PER3: variants seen among roughly 807,000 people sequenced by gnomAD.
PER3 encodes the protein period circadian protein homolog 3.
PER3 carries 107 observed loss-of-function variants against 127.2 expected under a neutral mutation model. The observed-to-expected ratio is 0.84, with a 90% CI of 0.72 to 0.99. PER3 has a LOEUF of 0.99. PER3 is among the 50% of genes least tolerant of loss of function. The probability of loss-of-function intolerance (pLI) is 0.00; values close to 1 mark genes in which losing one functional copy is unlikely to be tolerated. For missense variants in PER3, 1,560 were observed against 1,525.8 expected (o/e 1.02, Z -0.37); for synonymous variants, 618 against 585.8 (o/e 1.05, Z -0.79).
rs751203705 is a variant in PER3, at chr1:7,803,692, T to A, written c.980T>A (p.Val327Asp). ...ATTTTTGTCTTATTATTTTATATAG[T>A]TTTGAAGTATGCAGGGCATCCTCCC... is the stretch of plus-strand genomic sequence containing the variant. ...RSLMVAIHQK[V>D]LKYAGHPPFE... is the part of the protein sequence containing the mutation. The change falls in exon 10 of 22, where the codon GTT becomes GAT. Residue 327 changes from valine to aspartate, a missense_variant and splice_region_variant. By Grantham distance (152) the Val-to-Asp change is radical (BLOSUM62 -3). Around this residue, in one of 3 missense-constraint regions of PER3, gnomAD observed 1,332 missense variants for 1,223.6 expected, o/e 1.09. Coordinates refer to ENST00000377532, the MANE Select transcript of PER3 (RefSeq NM_001377275.1). 1 of 1,581,162 alleles carries A rather than the reference T, an allele frequency of 6.3e-7. No individual in the cohort carries two copies. Among genetic ancestry groups the A allele is most frequent in the Admixed American group, 1.7e-5 (1 of 59,346 alleles).
intron 8 of PER3, 128 bp downstream of exon 8, chr1:7,801,319 T>G (rs138688184): frequency 6.8e-6 from 4 of 587,764 alleles, no homozygotes; most frequent in Non-Finnish European, 1.2e-5. Flanking sequence ...TATTTGATTT[T>G]TGTTACATGG....
intron 6 of PER3, 33 bp downstream of exon 6, chr1:7,794,041 G>A (rs769606889): frequency 1.3e-6 from 2 of 1,559,686 alleles, no homozygotes; most frequent in South Asian, 2.2e-5. Context: ...GCCAGCAACA[G>A]TGGATTATGT....
At chr1:7,816,395 C>T (rs1410156432) in intron 13 of PER3, among the ~76,000 whole-genome samples, 2 of 152,090 alleles carry the variant, frequency 1.3e-5, no homozygotes, top group South Asian at 2.1e-4. Context: ...CCACCCTGAA[C>T]GTACCCAATC....
intron 16 of PER3, among the ~76,000 whole-genome samples, chr1:7,822,942 C>T (rs2151070057): frequency 6.6e-6 from 1 of 152,136 alleles, no homozygotes; most frequent in African/African-American, 2.4e-5. Flanking sequence ...ACCTGTAGTC[C>T]CAGCTACTTG....
Position 7,826,766 on chromosome 1 carries a change from A to G in PER3, c.2188+56A>G. On this transcript the variant is annotated intron_variant, in intron 17 of 21. Coordinates refer to ENST00000377532, the MANE Select transcript of PER3 (RefSeq NM_001377275.1). The surrounding 1 kb of genome is among the most constrained non-coding windows in gnomAD (Gnocchi z 4.2). Reference sequence around the variant, plus strand: ...AATCTATGTAAATGTTACAAACTGTATCTAAGGACTAGGAGATAAGGAGTG... The same window carrying G: ...AATCTATGTAAATGTTACAAACTGTGTCTAAGGACTAGGAGATAAGGAGTG... 1 of 1,032,162 alleles carries G rather than the reference A, an allele frequency of 9.7e-7. No individual in the cohort carries two copies. Among genetic ancestry groups the G allele is most frequent in the Middle Eastern group, 2.0e-4 (1 of 4,920 alleles). The allele number at this position is 1,032,162 out of a possible 1,614,324, so 63.9% of individuals were successfully genotyped here. A position where few individuals can be genotyped will look rare whatever the true frequency, so the allele number is the denominator to read the frequency against.
At chr1:7,789,140 A>AATATATATATATATATATATATAT (rs59535110) in intron 5 of PER3, among the ~76,000 whole-genome samples, 5 of 133,160 alleles carry the variant, frequency 3.8e-5, no homozygotes, top group African/African-American at 5.3e-5. Flanking sequence ...AGAGCTTTAA[A>AATATATATATATATATATATATAT]ATATATATAT....
In PER3 at chr1:7,827,597, T is replaced by C; in HGVS notation, c.2668T>C (p.Ser890Pro). The change falls in exon 18 of 22, where the codon TCA becomes CCA. Residue 890 changes from serine (S) to proline (P), a missense_variant. Physicochemically the swap from Ser to Pro is moderately conservative, Grantham distance 74. Coordinates refer to ENST00000377532, the MANE Select transcript of PER3 (RefSeq NM_001377275.1). ...GATASSAISP[S>P]MSSAMSPTLD... Reference sequence around the variant, plus strand: ...GACAGCCTCTTCTGCGATATCACCCTCAATGTCGTCAGCAATGAGTCCAAC... The same window carrying C: ...GACAGCCTCTTCTGCGATATCACCCCCAATGTCGTCAGCAATGAGTCCAAC... The C allele has an allele frequency of 6.2e-7, 1 of 1,614,144 alleles. No homozygotes were observed. Among genetic ancestry groups the C allele is most frequent in the Non-Finnish European group, 8.5e-7 (1 of 1,180,028 alleles).
chr1:7,841,154 A>G (rs576014357), intron 21 of PER3, among the ~76,000 whole-genome samples: 1 of 152,322 alleles, frequency 6.6e-6, no homozygotes, highest in East Asian at 1.9e-4. Context: ...AAAAAACTCA[A>G]AATGTTTTAA....
intron 21 of PER3, among the ~76,000 whole-genome samples, chr1:7,839,166 C>T (rs188612565): frequency 6.6e-6 from 1 of 152,184 alleles, no homozygotes; most frequent in Non-Finnish European, 1.5e-5. Flanking sequence ...TAACATATCA[C>T]TCCAGTGTGT....
At chr1:7,789,320 C>A (rs1272605973) in intron 5 of PER3, among the ~76,000 whole-genome samples, 2 of 152,056 alleles carry the variant, frequency 1.3e-5, no homozygotes, top group Non-Finnish European at 2.9e-5. Flanking sequence ...GTGGGAGGAA[C>A]CCAGTGGGAG....
intron 4 of PER3, chr1:7,787,355 C>A (rs565254198): frequency 3.7e-6 from 1 of 271,822 alleles, no homozygotes. Context: ...TTGGTTGATA[C>A]GGTGGAGATT....
chr1:7,838,684 G>C (rs771329252), intron 21 of PER3, among the ~76,000 whole-genome samples: 19 of 152,300 alleles, frequency 1.2e-4, no homozygotes, highest in Non-Finnish European at 2.1e-4. Context: ...ACAGGCAAGA[G>C]CCATATGAAT....
At chr1:7,798,791 A>C in intron 7 of PER3, 118 bp downstream of exon 7, 2 of 742,470 alleles carry the variant, frequency 2.7e-6, no homozygotes, top group African/African-American at 1.8e-5. Context: ...TGACCCTTAA[A>C]CTCTTCAGGC....
At chr1:7,817,152 G>A (rs1046427579) in intron 13 of PER3, among the ~76,000 whole-genome samples, 4 of 152,184 alleles carry the variant, frequency 2.6e-5, no homozygotes, top group African/African-American at 7.2e-5. Flanking sequence ...CTATGATTGG[G>A]TAGAGAAGGA....
intron 16 of PER3, among the ~76,000 whole-genome samples, chr1:7,822,778 G>A (rs1164478667): frequency 6.6e-6 from 1 of 152,126 alleles, no homozygotes; most frequent in Non-Finnish European, 1.5e-5. Context: ...CAAAAATTGG[G>A]CCAAGCATAG....
chr1:7,786,833 C>T lies in PER3; in HGVS notation c.387C>T (p.Asn129=), dbSNP rs1245902292. ...ATIASEHTSK[N]TDTFVAVFSF... is the part of the protein sequence containing the mutation. ...TCGCTTCAGAACACACTTCCAAAAA[C>T]ACAGTAAGAATTCATGCATTTTGCC... Residue 129 remains asparagine, a synonymous_variant, in exon 4 of 22, where the codon AAC becomes AAT. Coordinates refer to ENST00000377532, the MANE Select transcript of PER3 (RefSeq NM_001377275.1). 2.6e-6 allele frequency: 4 copies of T among 1,566,750 alleles called. No homozygotes were observed. In the South Asian group the frequency reaches 4.4e-5, roughly 17 times the overall value.
chr1:7,806,812 A>AAATATATATATATATAT (rs61141023), intron 10 of PER3, among the ~76,000 whole-genome samples: 1 of 60,632 alleles, frequency 1.6e-5, no homozygotes, highest in African/African-American at 6.8e-5. Flanking sequence ...AAAAAAAAAA[A>AAATATATATATATATAT]ATATATATAT....
At position 7,827,103 on chromosome 1, in the gene PER3, C is replaced by T. The variant is rs761893665; in HGVS notation, c.2189-15C>T. Reference sequence around the variant, plus strand: ...TTTAATTTTCCATAATTTGCCTCTACCTTTATCCTTCCAGGAGATTCTACT... The same window carrying T: ...TTTAATTTTCCATAATTTGCCTCTATCTTTATCCTTCCAGGAGATTCTACT... On this transcript the variant is annotated splice_polypyrimidine_tract_variant and intron_variant, in intron 17 of 21. Coordinates refer to ENST00000377532, the MANE Select transcript of PER3 (RefSeq NM_001377275.1). 11 of 1,560,240 alleles carry T rather than the reference C, an allele frequency of 7.1e-6. No individual in the cohort carries two copies. Among genetic ancestry groups the T allele is most frequent in the Admixed American group, 2.0e-5 (1 of 50,688 alleles).
chr1:7,821,045 C>T (rs1276985564), intron 16 of PER3, among the ~76,000 whole-genome samples: 1 of 152,242 alleles, frequency 6.6e-6, no homozygotes, highest in Admixed American at 6.5e-5. Context: ...AGCTCAGTCA[C>T]ACATACCTTC....
Sources: gnomAD v4.1 joint callset for allele counts (sites outside exome capture counted in the v4.1 genomes callset) on GRCh38, gnomAD v4.1.1 for gene constraint, gnomAD v4.1.1 regional missense constraint, Gnocchi (gnomAD v3.1) non-coding constraint, MANE v1.5 for transcripts, NCBI Gene and HGNC (gene_info 2026-07-23, HGNC 2026-07-21) for gene names.